LRRTM1: variants seen among roughly 807,000 people sequenced by gnomAD.
LRRTM1 encodes leucine-rich repeat transmembrane neuronal protein 1.
A neutral mutation model predicts 37.3 loss-of-function variants in LRRTM1; 8 were observed. The ratio of observed to expected loss-of-function variants is 0.21; its 90% CI spans 0.13 to 0.39. The LOEUF (loss-of-function observed/expected upper bound fraction) is 0.39. Among genes scored for constraint, LRRTM1 ranks in the 10% least tolerant of loss-of-function variants. The pLI, the probability that LRRTM1 is intolerant of heterozygous loss-of-function variation, is 1.00. For missense variants in LRRTM1, 557 were observed against 691.0 expected, an observed-to-expected ratio of 0.81 and a Z score of 2.17; for synonymous variants, 326 against 316.8, an observed-to-expected ratio of 1.03 and a Z score of -0.31.
At chr2:80,301,273 C>G (rs1676284419), downstream of LRRTM1, among the ~76,000 whole-genome samples, 1 of 152,202 alleles carries the variant, frequency 6.6e-6, no homozygotes, top group African/African-American at 2.4e-5. Context: ...GCACAGCTTT[C>G]AGCCCTAAAC....
chr2:80,298,197 T>C (rs1325712419), downstream of LRRTM1: 1 of 152,096 alleles, frequency 6.6e-6, no homozygotes, highest in Non-Finnish European at 1.5e-5. Context: ...TCTAAACCTA[T>C]CTCAAAATAT....
chr2:80,298,633 T>TCAAAA (rs1329345836), downstream of LRRTM1: 10 of 152,252 alleles, frequency 6.6e-5, no homozygotes, highest in Non-Finnish European at 1.3e-4. Context: ...TTACATATAC[T>TCAAAA]CATAAATGTG....
Position 80,303,130 on chromosome 2 carries a change from C to T in LRRTM1, c.690G>A (p.Pro230=). ...AGAGCGAGTGCAGGGAGATGAGGCG[C>T]GGGAAGTGGGCGAAGTTCACCTTGA... ...DLVKVNFAHF[P]RLISLHSLCL... Residue 230 remains proline (P), a synonymous_variant, in exon 2 of 2, where the codon CCG becomes CCA. Transcript: ENST00000295057. This position sits in a 1 kb window ranked among gnomAD's most constrained non-coding sequence, Gnocchi z 7.7. 1 of 1,614,048 alleles carries T rather than the reference C, an allele frequency of 6.2e-7. No individual in the cohort carries two copies. Among genetic ancestry groups the T allele is most frequent in the Non-Finnish European group, 8.5e-7 (1 of 1,180,032 alleles).
chr2:80,289,804 G>C (rs571261747), intron 2 of LRRTM1, among the ~76,000 whole-genome samples: 8 of 152,260 alleles, frequency 5.3e-5, no homozygotes, highest in Middle Eastern at 3.4e-3. Flanking sequence ...AAAGTCAACT[G>C]ACAGGAGGGA....
chr2:80,302,700 G>T lies in LRRTM1; in HGVS notation c.1120C>A (p.Leu374Met). The T allele has an allele frequency of 6.2e-7, 1 of 1,612,634 alleles. No homozygotes were observed. The highest frequency in any genetic ancestry group is 8.5e-7 in the Non-Finnish European group (1 of 1,179,756). Reference sequence around the variant, plus strand: ...CTGCGGTTGGTGACGGCCGAGAGCAGGTGGCCGCTGGTGGGCTCGGCCCCA... The same window carrying T: ...CTGCGGTTGGTGACGGCCGAGAGCATGTGGCCGCTGGTGGGCTCGGCCCCA... ...EDGAEPTSGH[L>M]LSAVTNRSDL... The change falls in exon 2 of 2, where the codon CTG becomes ATG. Residue 374 changes from leucine (L) to methionine (M), a missense_variant. Physicochemically the swap from Leu to Met is conservative, Grantham distance 15. Around this residue, in one of 5 missense-constraint regions of LRRTM1, gnomAD observed 89 missense variants for 80.7 expected, o/e 1.10. Transcript: ENST00000295057. This position sits in a 1 kb window ranked among gnomAD's most constrained non-coding sequence, Gnocchi z 6.4.
In LRRTM1 at chr2:80,302,229, G is replaced by A; in HGVS notation, c.*22C>T. The A allele has an allele frequency of 2.5e-6, 4 of 1,602,808 alleles. No individual in the cohort carries two copies. Among genetic ancestry groups the A allele is most frequent in the Non-Finnish European group, 3.4e-6 (4 of 1,174,128 alleles). ...TGCCCAGGCGTATTTGGTAGCGCAT[G>A]GGTTGAGAGCCACTGGGACAATCAC... is the stretch of plus-strand genomic sequence containing the variant. On this transcript the variant is annotated 3_prime_UTR_variant, in exon 2 of 2. Transcript: ENST00000295057. This position sits in a 1 kb window ranked among gnomAD's most constrained non-coding sequence, Gnocchi z 6.4.
intron 2 of LRRTM1, among the ~76,000 whole-genome samples, chr2:80,295,496 G>C (rs1675665965): frequency 6.6e-6 from 1 of 152,152 alleles, no homozygotes; most frequent in Non-Finnish European, 1.5e-5. Context: ...CAAGCCTGAT[G>C]AATCAGAATG....
intron 2 of LRRTM1, among the ~76,000 whole-genome samples, chr2:80,294,557 T>G (rs1434159108): frequency 6.6e-6 from 1 of 152,090 alleles, no homozygotes; most frequent in Non-Finnish European, 1.5e-5. Flanking sequence ...ATTGCTGAGT[T>G]GTCCATGCTG....
At chr2:80,293,793 A>G (rs541610866) in intron 2 of LRRTM1, among the ~76,000 whole-genome samples, 1 of 152,132 alleles carries the variant, frequency 6.6e-6, no homozygotes. Flanking sequence ...GACTGAGTGG[A>G]AAGGGAATAT....
chr2:80,300,794 G>A (rs770314480), downstream of LRRTM1, among the ~76,000 whole-genome samples: 7 of 151,962 alleles, frequency 4.6e-5, no homozygotes, highest in East Asian at 1.9e-4. Flanking sequence ...GGAGCCCTCC[G>A]TCCAATGCAC....
downstream of LRRTM1, among the ~76,000 whole-genome samples, chr2:80,301,319 AAG>A (rs1332235284): frequency 6.6e-6 from 1 of 152,146 alleles, no homozygotes; most frequent in Non-Finnish European, 1.5e-5. Context: ...AGCCAGACCA[AAG>A]AGAGCAGTGA....
chr2:80,290,224 C>T (rs886314809), intron 2 of LRRTM1, among the ~76,000 whole-genome samples: 3 of 152,070 alleles, frequency 2.0e-5, no homozygotes, highest in African/African-American at 7.2e-5. Context: ...AATTCCATGC[C>T]AGATAGTTTT....
intron 2 of LRRTM1, among the ~76,000 whole-genome samples, chr2:80,292,262 A>T (rs141869043): frequency 6.6e-6 from 1 of 152,196 alleles, no homozygotes; most frequent in Non-Finnish European, 1.5e-5. Context: ...AATGGGCTTA[A>T]TTCTTATAAC....
At chr2:80,296,086 A>G (rs1483694797) in intron 2 of LRRTM1, among the ~76,000 whole-genome samples, 1 of 152,132 alleles carries the variant, frequency 6.6e-6, no homozygotes, top group Non-Finnish European at 1.5e-5. Context: ...GGTACATAGT[A>G]GATGCATAAA....
Position 80,303,599 on chromosome 2 carries a change from T to C in LRRTM1, c.221A>G (p.Tyr74Cys). The C allele has an allele frequency of 1.9e-6, 3 of 1,614,152 alleles. No individual in the cohort carries two copies. Among genetic ancestry groups the C allele is most frequent in the Non-Finnish European group, 2.5e-6 (3 of 1,180,022 alleles). ...GGCGCGCAGCTCCGAGAGGCTGTTG[T>C]AGCGCAGGGACAAGCCCAGCAGGCC... ...LSGLLGLSLR[Y>C]NSLSELRAGQ... is the part of the protein sequence containing the mutation. The change falls in exon 2 of 2, where the codon TAC (tyrosine) becomes TGC (cysteine). Residue 74 changes from tyrosine (Y) to cysteine (C), a missense_variant. Physicochemically the swap from Tyr to Cys is radical, Grantham distance 194. Transcript: ENST00000295057. The surrounding 1 kb of genome is among the most constrained non-coding windows in gnomAD (Gnocchi z 7.7).
Position 80,303,229 on chromosome 2 carries a change from G to C in LRRTM1, c.591C>G (p.Leu197=), listed in dbSNP as rs1290536783. Residue 197 remains leucine, a synonymous_variant, in exon 2 of 2, where the codon CTC becomes CTG. Coordinates refer to ENST00000295057, the MANE Select transcript of LRRTM1 (RefSeq NM_178839.5). The surrounding 1 kb of genome is among the most constrained non-coding windows in gnomAD (Gnocchi z 7.7). ...CGAAAGAGTTGCGCGCCAGACTCTT[G>C]AGCTGATTGTATCCGATGTCGAGAA... ...LKFLDIGYNQ[L]KSLARNSFAG... The C allele has an allele frequency of 3.1e-6, 5 of 1,613,834 alleles. No individual in the cohort carries two copies. Among genetic ancestry groups the C allele is most frequent in the South Asian group, 1.1e-5 (1 of 91,078 alleles).
Position 80,302,272 on chromosome 2 carries a change from G to C in LRRTM1, c.1548C>G (p.Pro516=). 1.2e-6 allele frequency: 2 copies of C among 1,613,760 alleles called. No homozygotes were observed. The highest frequency in any genetic ancestry group is 1.7e-6 in the Non-Finnish European group (2 of 1,179,810). ...EYGSCTCHQQ[P]ARECEV is the part of the protein sequence containing the mutation. Reference sequence around the variant, plus strand: ...ACAATCACACCTCGCATTCCCTCGCGGGCTGCTGGTGGCAGGTACACGAGC... The same window carrying C: ...ACAATCACACCTCGCATTCCCTCGCCGGCTGCTGGTGGCAGGTACACGAGC... The change falls in exon 2 of 2, where the codon CCC becomes CCG. Residue 516 remains proline (P), a synonymous_variant. Coordinates refer to ENST00000295057, the MANE Select transcript of LRRTM1 (RefSeq NM_178839.5). The surrounding 1 kb of genome is among the most constrained non-coding windows in gnomAD (Gnocchi z 6.4).
In LRRTM1 at chr2:80,302,881, C is replaced by G. The variant is rs1676490774; in HGVS notation, c.939G>C (p.Gly313=). 1.2e-6 allele frequency: 2 copies of G among 1,614,116 alleles called. No individual in the cohort carries two copies. ...WKSLTSITLA[G]NLWDCGRNVC... The stretch of plus-strand genomic sequence containing the variant: ...CGTTGCGCCCGCAATCCCACAGGTT[C>G]CCGGCCAGGGTGATGCTTGTCAGGG... The change falls in exon 2 of 2, where the codon GGG becomes GGC. Residue 313 remains glycine (G), a synonymous_variant. Transcript: ENST00000295057. This position sits in a 1 kb window ranked among gnomAD's most constrained non-coding sequence, Gnocchi z 6.4.
Position 80,302,896 on chromosome 2 carries a change from G to A in LRRTM1, c.924C>T (p.Ser308=), listed in dbSNP as rs767130615. ...CCCACAGGTTCCCGGCCAGGGTGATGCTTGTCAGGGACTTCCAAGAGTTGA... is the reference window on the plus strand; with the variant it reads ...CCCACAGGTTCCCGGCCAGGGTGATACTTGTCAGGGACTTCCAAGAGTTGA... The part of the protein sequence containing the change: ...RILNSWKSLT[S]ITLAGNLWDC... The change falls in exon 2 of 2, where the codon AGC becomes AGT. Residue 308 remains serine (S), a synonymous_variant. Transcript: ENST00000295057. This position sits in a 1 kb window ranked among gnomAD's most constrained non-coding sequence, Gnocchi z 6.4. The A allele has an allele frequency of 7.4e-6, 12 of 1,614,056 alleles. No individual in the cohort carries two copies. Among genetic ancestry groups the A allele is most frequent in the African/African-American group, 1.3e-5 (1 of 74,938 alleles).
Sources: allele counts gnomAD v4.1 joint callset (sites outside exome capture counted in the v4.1 genomes callset), GRCh38; gene constraint gnomAD v4.1.1; regional missense constraint gnomAD v4.1.1; non-coding constraint Gnocchi (gnomAD v3.1); transcripts MANE v1.5; gene names NCBI Gene and HGNC (gene_info 2026-07-23, HGNC 2026-07-21).